The following LINGO2 variants were observed in gnomAD, a reference collection of about 807,000 sequenced individuals.
LINGO2 encodes the protein leucine-rich repeat and immunoglobulin-like domain-containing nogo receptor-interacting protein 2.
A neutral mutation model predicts 30.6 loss-of-function variants in LINGO2; 14 were observed. The observed-to-expected ratio is 0.46, with a 90% CI of 0.30 to 0.72. The LOEUF is 0.72. Among genes scored for constraint, LINGO2 ranks in the 30% least tolerant of loss-of-function variants. The pLI, the probability that LINGO2 is intolerant of heterozygous loss-of-function variation, is 0.07. For missense variants in LINGO2, 729 were observed against 751.7 expected, an observed-to-expected ratio of 0.97 and a Z score of 0.35; for synonymous variants, 317 against 288.5, an observed-to-expected ratio of 1.10 and a Z score of -1.00.
At chr9:28,661,443 C>G (rs1372529624) in intron 1 of LINGO2, among the ~76,000 whole-genome samples, 3 of 151,994 alleles carry the variant, frequency 2.0e-5, no homozygotes, top group Admixed American at 2.0e-4. Context: ...GCCCATTGAC[C>G]GGCCCATTGA....
At chr9:28,187,819 C>G (rs906501427) in intron 4 of LINGO2, among the ~76,000 whole-genome samples, 1 of 152,138 alleles carries the variant, frequency 6.6e-6, no homozygotes, top group African/African-American at 2.4e-5. Flanking sequence ...AACGTGATCT[C>G]TAAGGCTTTT....
At chr9:28,327,401 A>G (rs1825269168) in intron 3 of LINGO2, among the ~76,000 whole-genome samples, 1 of 152,184 alleles carries the variant, frequency 6.6e-6, no homozygotes, top group Non-Finnish European at 1.5e-5. Flanking sequence ...ACCACTGGCA[A>G]TGCATTTCTT....
intron 1 of LINGO2, among the ~76,000 whole-genome samples, chr9:28,568,972 G>A (rs899019001): frequency 2.6e-5 from 4 of 151,908 alleles, no homozygotes; most frequent in African/African-American, 9.7e-5. Context: ...TAAAAAGTGG[G>A]CAAAGGACTG....
At chr9:29,094,280 T>A in the LINGO2 span, among the ~76,000 whole-genome samples, 2 of 139,142 alleles carry the variant, frequency 1.4e-5, 1 homozygote, top group Non-Finnish European at 3.1e-5. Context: ...TCTTTATAAA[T>A]AAAAGGCATT....
chr9:27,983,017 A>G (rs553309599), intron 5 of LINGO2, among the ~76,000 whole-genome samples: 63 of 151,926 alleles, frequency 4.1e-4, no homozygotes, highest in Middle Eastern at 6.8e-3. Context: ...CTCTCCCCAC[A>G]ATGAACTGAA....
At chr9:28,117,740 G>A (rs559190093) in intron 4 of LINGO2, among the ~76,000 whole-genome samples, 23 of 146,672 alleles carry the variant, frequency 1.6e-4, no homozygotes, top group Middle Eastern at 3.4e-3. Context: ...GCGCTTCCCA[G>A]GTGAGGCAAT....
chr9:29,045,052 G>C, the LINGO2 span, among the ~76,000 whole-genome samples: 1 of 152,054 alleles, frequency 6.6e-6, no homozygotes, highest in Non-Finnish European at 1.5e-5. Context: ...TACCTGATGA[G>C]ATTTTTACAA....
intron 5 of LINGO2, among the ~76,000 whole-genome samples, chr9:27,998,431 A>G (rs1484497473): frequency 6.6e-6 from 1 of 152,202 alleles, no homozygotes. Flanking sequence ...CCCAGGAACC[A>G]GCAAGGATGC....
the LINGO2 span, among the ~76,000 whole-genome samples, chr9:29,162,465 T>G: frequency 2.0e-5 from 3 of 152,198 alleles, no homozygotes; most frequent in Non-Finnish European, 4.4e-5. Context: ...AGCATCTTAT[T>G]TAACTTTACA....
At chr9:28,087,070 C>T (rs540209624) in intron 4 of LINGO2, among the ~76,000 whole-genome samples, 1 of 152,110 alleles carries the variant, frequency 6.6e-6, no homozygotes, top group African/African-American at 2.4e-5. Flanking sequence ...TACCTTTGGA[C>T]AAGTCCAGAC....
the LINGO2 span, among the ~76,000 whole-genome samples, chr9:29,099,161 G>A: frequency 6.6e-6 from 1 of 152,142 alleles, no homozygotes; most frequent in Admixed American, 6.6e-5. Context: ...ATAGTGCTGG[G>A]AAAACTAAAT....
intron 5 of LINGO2, among the ~76,000 whole-genome samples, chr9:28,008,605 T>C (rs950215249): frequency 6.6e-6 from 1 of 152,068 alleles, no homozygotes; most frequent in Non-Finnish European, 1.5e-5. Flanking sequence ...GATTTCAGAA[T>C]ACAAGATCAA....
the LINGO2 span, among the ~76,000 whole-genome samples, chr9:28,713,381 CTCT>C: frequency 2.0e-5 from 3 of 152,224 alleles, no homozygotes; most frequent in South Asian, 2.1e-4. Flanking sequence ...AGCTGACTGT[CTCT>C]TCTTCTTGGT....
chr9:28,940,849 C>T, the LINGO2 span, among the ~76,000 whole-genome samples: 1 of 152,032 alleles, frequency 6.6e-6, no homozygotes, highest in African/African-American at 2.4e-5. Flanking sequence ...ACACCAATTA[C>T]AGAGACTAAA....
chr9:28,190,572 A>C (rs954403958), intron 4 of LINGO2, among the ~76,000 whole-genome samples: 9 of 152,210 alleles, frequency 5.9e-5, no homozygotes, highest in African/African-American at 2.2e-4. Context: ...ACACAGCAAG[A>C]GGACAGTCAT....
At chr9:28,256,902 AGC>A (rs1822399909) in intron 4 of LINGO2, among the ~76,000 whole-genome samples, 1 of 151,912 alleles carries the variant, frequency 6.6e-6, no homozygotes, top group Non-Finnish European at 1.5e-5. Flanking sequence ...ATATATGTTT[AGC>A]AAAGGAAAAG....
intron 4 of LINGO2, among the ~76,000 whole-genome samples, chr9:28,030,914 A>T (rs902059561): frequency 1.3e-5 from 2 of 152,214 alleles, no homozygotes; most frequent in African/African-American, 4.8e-5. Context: ...CATACCATTG[A>T]CAAATTGCTG....
the LINGO2 span, among the ~76,000 whole-genome samples, chr9:29,015,867 C>A: frequency 6.6e-6 from 1 of 152,120 alleles, no homozygotes; most frequent in East Asian, 1.9e-4. Flanking sequence ...AGTCTAGAAT[C>A]TTTTATTTGC....
chr9:28,480,877 A>G (rs538504351), intron 1 of LINGO2, among the ~76,000 whole-genome samples: 1 of 152,168 alleles, frequency 6.6e-6, no homozygotes, highest in South Asian at 2.1e-4. Context: ...CGACTTCTCT[A>G]TTTCTATGGC....
Sources: allele counts gnomAD v4.1 joint callset (sites outside exome capture counted in the v4.1 genomes callset), GRCh38; gene constraint gnomAD v4.1.1; transcripts MANE v1.5; gene names NCBI Gene and HGNC (gene_info 2026-07-23, HGNC 2026-07-21).